The following PCNX2 variants were observed in gnomAD, a reference collection of about 807,000 sequenced individuals.
PCNX2 encodes pecanex-like protein 2.
A neutral mutation model predicts 223.8 loss-of-function variants in PCNX2; 168 were observed. The observed-to-expected ratio is 0.75, with a 90% CI of 0.66 to 0.85. The LOEUF (loss-of-function observed/expected upper bound fraction) is 0.85, where lower values mean the gene tolerates loss of function less well. PCNX2 is among the 40% of genes least tolerant of loss of function. The pLI, the probability that PCNX2 is intolerant of heterozygous loss-of-function variation, is 0.00. For synonymous variants in PCNX2, 1,006 were observed against 1,052.6 expected (o/e 0.96, Z 0.86); for missense variants, 2,507 against 2,675.5 (o/e 0.94, Z 1.39).
chr1:233,018,987 G>C, intron 26 of PCNX2: 1 of 985,384 alleles, frequency 1.0e-6, no homozygotes, highest in Non-Finnish European at 1.2e-6. Context: ...CCTTTTCTAG[G>C]GGGGCCCCCA....
Position 233,179,048 on chromosome 1 carries a change from C to G in PCNX2, c.3176+18G>C. The G allele has an allele frequency of 1.2e-6, 2 of 1,601,924 alleles. No homozygotes were observed. The highest frequency in any genetic ancestry group is 8.5e-7 in the Non-Finnish European group (1 of 1,170,512). ...CCCCCAGCTCAGTGATGAGAGAGCA[C>G]AGGCATAGACCACTCACATGAGTAC... is the stretch of plus-strand genomic sequence containing the variant. On this transcript the variant is annotated intron_variant, in intron 16 of 33. Transcript: ENST00000258229.
intron 23 of PCNX2, among the ~76,000 whole-genome samples, chr1:233,086,701 T>A (rs1673621953): frequency 6.6e-6 from 1 of 151,708 alleles, no homozygotes; most frequent in African/African-American, 2.4e-5. Context: ...AAAATAAAAA[T>A]AAAATAAAAT....
intron 21 of PCNX2, among the ~76,000 whole-genome samples, chr1:233,120,533 C>T (rs1181768973): frequency 1.3e-5 from 2 of 152,218 alleles, no homozygotes; most frequent in Admixed American, 6.5e-5. Context: ...TGGCATTTTC[C>T]ATAAAAATTT....
intron 23 of PCNX2, among the ~76,000 whole-genome samples, chr1:233,063,207 G>C (rs1380480046): frequency 6.6e-6 from 1 of 152,170 alleles, no homozygotes; most frequent in Admixed American, 6.5e-5. Flanking sequence ...CTGTACTCCA[G>C]CCTGGGAGAC....
chr1:233,099,329 T>C (rs995766663), intron 21 of PCNX2, among the ~76,000 whole-genome samples: 9 of 152,154 alleles, frequency 5.9e-5, no homozygotes, highest in African/African-American at 1.9e-4. Context: ...TCACACACTA[T>C]AGCAGCAGCC....
intron 21 of PCNX2, among the ~76,000 whole-genome samples, chr1:233,132,626 T>C (rs1387790650): frequency 6.6e-6 from 1 of 152,224 alleles, no homozygotes; most frequent in African/African-American, 2.4e-5. Flanking sequence ...GACAGTTCAG[T>C]GTGGAAAAGT....
chr1:232,985,166 T>C (rs1163772637), intron 33 of PCNX2: 2 of 152,224 alleles, frequency 1.3e-5, no homozygotes, highest in Non-Finnish European at 2.9e-5. Context: ...GTGGCACCCA[T>C]GGCTGCAATC....
At chr1:233,039,714 G>T (rs891961920) in intron 25 of PCNX2, among the ~76,000 whole-genome samples, 1 of 152,106 alleles carries the variant, frequency 6.6e-6, no homozygotes, top group Non-Finnish European at 1.5e-5. Flanking sequence ...ACTTTGTAAG[G>T]CTATTGAAAA....
rs771339163 is a variant in PCNX2, at chr1:233,218,112, G to C, written c.2577C>G (p.Thr859=). ...TATCTTTGCAAAAGCCTTGGCTCAA[G>C]GTCAGAAATCCAAGGAGGGAAACCA... The part of the protein sequence containing the change: ...IVLVSLLGFL[T]LSQGFCKDMW... The change falls in exon 11 of 34, where the codon ACC becomes ACG. Residue 859 remains threonine, a synonymous_variant. Transcript: ENST00000258229. The C allele has an allele frequency of 1.3e-6, 2 of 1,556,954 alleles. No homozygotes were observed. The highest frequency in any genetic ancestry group is 1.7e-6 in the Non-Finnish European group (2 of 1,150,478).
At chr1:233,076,854 C>T (rs1416084316) in intron 23 of PCNX2, among the ~76,000 whole-genome samples, 1 of 152,154 alleles carries the variant, frequency 6.6e-6, no homozygotes, top group Non-Finnish European at 1.5e-5. Flanking sequence ...AAACACTGCA[C>T]TAATGACAAG....
intron 21 of PCNX2, among the ~76,000 whole-genome samples, chr1:233,105,868 T>G (rs1674740348): frequency 6.6e-6 from 1 of 152,196 alleles, no homozygotes; most frequent in Admixed American, 6.5e-5. Flanking sequence ...CATTGCACAT[T>G]GAAATTGTAT....
intron 26 of PCNX2, among the ~76,000 whole-genome samples, chr1:233,022,731 T>C (rs929797751): frequency 6.8e-6 from 1 of 147,542 alleles, no homozygotes; most frequent in Non-Finnish European, 1.5e-5. Flanking sequence ...AGAGTCTCGC[T>C]CTGTTGCCCA....
intron 9 of PCNX2, among the ~76,000 whole-genome samples, chr1:233,228,011 T>C (rs900193529): frequency 2.0e-5 from 3 of 152,172 alleles, no homozygotes; most frequent in African/African-American, 7.2e-5. Context: ...CATTGATTTG[T>C]CTATCAAATA....
chr1:233,021,515 T>C (rs1670889399), intron 26 of PCNX2, among the ~76,000 whole-genome samples: 1 of 152,162 alleles, frequency 6.6e-6, no homozygotes, highest in Non-Finnish European at 1.5e-5. Context: ...AAAAAAGTCC[T>C]TGGGTCCCAC....
At chr1:233,309,552 T>A in the PCNX2 span, among the ~76,000 whole-genome samples, 105 of 120,844 alleles carry the variant, frequency 8.7e-4, no homozygotes, top group African/African-American at 1.7e-3. Flanking sequence ...AAAATAATAA[T>A]AATAATAATA....
intron 28 of PCNX2, among the ~76,000 whole-genome samples, chr1:233,012,183 G>C (rs1670492200): frequency 6.6e-6 from 1 of 152,178 alleles, no homozygotes; most frequent in South Asian, 2.1e-4. Context: ...TCCCTAAACA[G>C]TATCTATAAA....
At chr1:233,057,758 G>C (rs1041037507) in intron 23 of PCNX2, 3 of 422,018 alleles carry the variant, frequency 7.1e-6, no homozygotes, top group Non-Finnish European at 9.5e-6. Flanking sequence ...TATAATCTCA[G>C]CTACTTGGGA....
At chr1:233,040,220 T>A (rs922985532) in intron 25 of PCNX2, among the ~76,000 whole-genome samples, 4 of 152,174 alleles carry the variant, frequency 2.6e-5, no homozygotes, top group Non-Finnish European at 5.9e-5. Flanking sequence ...GATCTCACCA[T>A]GAGAAAAATG....
intron 25 of PCNX2, among the ~76,000 whole-genome samples, chr1:233,040,959 A>C (rs1414998500): frequency 6.6e-6 from 1 of 152,124 alleles, no homozygotes; most frequent in Admixed American, 6.6e-5. Flanking sequence ...TAATCGTTCA[A>C]CTTCAACAAT....
Sources: gnomAD v4.1 joint callset for allele counts (sites outside exome capture counted in the v4.1 genomes callset) on GRCh38, gnomAD v4.1.1 for gene constraint, MANE v1.5 for transcripts, NCBI Gene and HGNC (gene_info 2026-07-23, HGNC 2026-07-21) for gene names.